BACH2: variants seen among roughly 807,000 people sequenced by gnomAD.
BACH2 encodes the protein BACH transcriptional regulator 2.
A neutral mutation model predicts 61.8 loss-of-function variants in BACH2; 5 were observed. That is an observed-to-expected ratio of 0.08 (90% CI 0.04 to 0.17). BACH2 has a LOEUF of 0.17. BACH2 is among the 10% of genes least tolerant of loss of function. The pLI, the probability that BACH2 is intolerant of heterozygous loss-of-function variation, is 1.00. For missense variants in BACH2, 824 were observed against 1,091.1 expected (o/e 0.76, Z 3.45); for synonymous variants, 446 against 440.1 (o/e 1.01, Z -0.17).
chr6:89,970,300 G>A (rs1775286975), intron 6 of BACH2, among the ~76,000 whole-genome samples: 1 of 152,142 alleles, frequency 6.6e-6, no homozygotes, highest in African/African-American at 2.4e-5. Flanking sequence ...GTGAAGCGCC[G>A]CCGACAGGCT....
chr6:90,052,410 TTATCTATC>T (rs567594426), intron 5 of BACH2, among the ~76,000 whole-genome samples: 1 of 152,118 alleles, frequency 6.6e-6, no homozygotes, highest in African/African-American at 2.4e-5. Context: ...TTAAAGTCTT[TTATCTATC>T]TATCTATCTA....
In BACH2 at chr6:89,950,512, C is replaced by T. The variant is rs1283633800; in HGVS notation, c.1594G>A (p.Gly532Arg). 12 of 1,613,680 alleles carry T rather than the reference C, an allele frequency of 7.4e-6. No individual in the cohort carries two copies. The highest frequency in any genetic ancestry group is 1.3e-5 in the African/African-American group (1 of 74,898). ...AGGCTGCAGGGTGAGCCCCCGCTCC[C>T]GTCCTCCGCGTAGGAATAGGAAGAG... ...SCSSYSYAED[G>R]SGGSPCSLPL... The change falls in exon 7 of 9, where the codon GGG (glycine) becomes AGG (arginine). Residue 532 changes from glycine to arginine, a missense_variant. Gly to Arg is a moderately radical substitution (Grantham distance 125, BLOSUM62 -2). Transcript: ENST00000257749. The surrounding 1 kb of genome is among the most constrained non-coding windows in gnomAD (Gnocchi z 5.3).
intron 4 of BACH2, among the ~76,000 whole-genome samples, chr6:90,131,631 C>T (rs1448759625): frequency 6.6e-6 from 1 of 152,192 alleles, no homozygotes; most frequent in African/African-American, 2.4e-5. Context: ...TGAGCTCACC[C>T]TTCAAATACC....
intron 6 of BACH2, among the ~76,000 whole-genome samples, chr6:89,984,647 TTTTC>T (rs1776141916): frequency 6.6e-6 from 1 of 152,144 alleles, no homozygotes; most frequent in Admixed American, 6.5e-5. Context: ...GCCACTGTGG[TTTTC>T]TTTGAGTAGA....
chr6:90,218,961 CAGAG>C (rs1245084124), intron 3 of BACH2, among the ~76,000 whole-genome samples: 1 of 144,908 alleles, frequency 6.9e-6, no homozygotes, highest in Non-Finnish European at 1.5e-5. Context: ...GTGTGTGACA[CAGAG>C]AGTGAGAGTG....
At chr6:90,078,565 G>T (rs76823532) in intron 5 of BACH2, among the ~76,000 whole-genome samples, 1 of 152,084 alleles carries the variant, frequency 6.6e-6, no homozygotes, top group Non-Finnish European at 1.5e-5. Context: ...AAGAATAGAG[G>T]AGAACTCCCA....
At chr6:90,107,280 G>A (rs1290038160) in intron 4 of BACH2, among the ~76,000 whole-genome samples, 3 of 152,002 alleles carry the variant, frequency 2.0e-5, no homozygotes, top group Non-Finnish European at 4.4e-5. Context: ...ACTGAGGCAG[G>A]AGAATTGCTT....
intron 6 of BACH2, among the ~76,000 whole-genome samples, chr6:89,957,357 C>A (rs959423965): frequency 5.9e-5 from 9 of 152,190 alleles, no homozygotes; most frequent in African/African-American, 2.2e-4. Flanking sequence ...ATTCACCTTA[C>A]TATTTCAACA....
intron 5 of BACH2, among the ~76,000 whole-genome samples, chr6:90,075,970 C>T (rs9444740): frequency 0.021 from 3,185 of 152,054 alleles, 109 homozygotes; most frequent in African/African-American, 0.071. Context: ...TGGTAAGAGA[C>T]GATCCAGAGA....
chr6:90,188,059 A>T (rs1768421847), intron 4 of BACH2, among the ~76,000 whole-genome samples: 1 of 152,164 alleles, frequency 6.6e-6, no homozygotes. Context: ...TAAAGACTTA[A>T]AATGCACTGG....
At chr6:90,184,639 A>C (rs1239017220) in intron 4 of BACH2, among the ~76,000 whole-genome samples, 2 of 152,084 alleles carry the variant, frequency 1.3e-5, no homozygotes, top group Non-Finnish European at 2.9e-5. Flanking sequence ...TGATGAGGCA[A>C]CTCTTCCTAA....
At chr6:89,989,959 C>T (rs1776454383) in intron 6 of BACH2, among the ~76,000 whole-genome samples, 1 of 152,166 alleles carries the variant, frequency 6.6e-6, no homozygotes, top group Non-Finnish European at 1.5e-5. Context: ...AGAAATTTGG[C>T]TTCAAAACTG....
intron 5 of BACH2, among the ~76,000 whole-genome samples, chr6:90,047,996 G>A (rs896252146): frequency 6.6e-6 from 1 of 152,114 alleles, no homozygotes; most frequent in Non-Finnish European, 1.5e-5. Flanking sequence ...GATGATAAGA[G>A]GCCTGATTCA....
intron 5 of BACH2, among the ~76,000 whole-genome samples, chr6:90,040,248 T>A (rs956608088): frequency 6.6e-6 from 1 of 152,192 alleles, no homozygotes; most frequent in Non-Finnish European, 1.5e-5. Flanking sequence ...TTAGGATTTA[T>A]CTTGGTGTAA....
intron 6 of BACH2, among the ~76,000 whole-genome samples, chr6:89,992,347 T>C (rs1262766119): frequency 2.0e-5 from 3 of 152,222 alleles, no homozygotes; most frequent in Non-Finnish European, 4.4e-5. Flanking sequence ...TCTCAGAAAT[T>C]ACTCATATTG....
At chr6:90,066,325 G>A (rs1267553544) in intron 5 of BACH2, among the ~76,000 whole-genome samples, 4 of 152,210 alleles carry the variant, frequency 2.6e-5, no homozygotes, top group Admixed American at 2.0e-4. Flanking sequence ...ATTGGGGTAA[G>A]TAGAAGCTAT....
chr6:90,027,494 C>G (rs965887639), intron 5 of BACH2, among the ~76,000 whole-genome samples: 4 of 152,092 alleles, frequency 2.6e-5, no homozygotes, highest in African/African-American at 4.8e-5. Context: ...TTAATTCACT[C>G]ATTATAAAAA....
chr6:89,998,561 C>G (rs1164275410), intron 6 of BACH2, among the ~76,000 whole-genome samples: 1 of 152,114 alleles, frequency 6.6e-6, no homozygotes, highest in African/African-American at 2.4e-5. Context: ...CAAAACAAGC[C>G]AATTCTTTTC....
chr6:90,017,687 C>A (rs35458995), intron 5 of BACH2, among the ~76,000 whole-genome samples: 57,311 of 152,058 alleles, frequency 0.38, 11,609 homozygotes, highest in African/African-American at 0.53. Flanking sequence ...CATGTCTCTA[C>A]TTAAGATGTT....
Sources: allele counts gnomAD v4.1 joint callset (sites outside exome capture counted in the v4.1 genomes callset), GRCh38; gene constraint gnomAD v4.1.1; non-coding constraint Gnocchi (gnomAD v3.1); transcripts MANE v1.5; gene names NCBI Gene and HGNC (gene_info 2026-07-23, HGNC 2026-07-21).